Variants in SNRNP40 observed in about 807,000 individuals in gnomAD.
SNRNP40 encodes U5 small nuclear ribonucleoprotein 40 kDa protein.
Under a neutral mutation model 45.8 loss-of-function variants are expected in SNRNP40, and 21 were observed. That is an observed-to-expected ratio of 0.46 (90% confidence interval 0.32 to 0.66). The LOEUF (loss-of-function observed/expected upper bound fraction) is 0.66. SNRNP40 is among the 30% of genes least tolerant of loss of function. The pLI, the probability that SNRNP40 is intolerant of heterozygous loss-of-function variation, is 0.03. For missense variants in SNRNP40, 344 were observed against 439.1 expected, an observed-to-expected ratio of 0.78 and a Z score of 1.94; for synonymous variants, 142 against 163.8, an observed-to-expected ratio of 0.87 and a Z score of 1.01.
intron 8 of SNRNP40, among the ~76,000 whole-genome samples, chr1:31,264,192 T>G (rs886346215): frequency 6.6e-6 from 1 of 152,140 alleles, no homozygotes; most frequent in South Asian, 2.1e-4. Context: ...TGGTCAAAAA[T>G]GCAAATAAAC....
chr1:31,280,514 G>GAA (rs1425781635), intron 5 of SNRNP40, among the ~76,000 whole-genome samples: 3 of 151,738 alleles, frequency 2.0e-5, no homozygotes, highest in Non-Finnish European at 4.4e-5. Context: ...ATGAGGGATG[G>GAA]AAATACAGTA....
chr1:31,292,610 T>C (rs2148392025), intron 2 of SNRNP40, among the ~76,000 whole-genome samples: 1 of 152,322 alleles, frequency 6.6e-6, no homozygotes, highest in Admixed American at 6.5e-5. Context: ...CATCTCATAA[T>C]CTGGCAAGAA....
intron 8 of SNRNP40, among the ~76,000 whole-genome samples, chr1:31,264,561 A>C (rs1218758294): frequency 1.3e-5 from 2 of 152,226 alleles, no homozygotes; most frequent in African/African-American, 4.8e-5. Flanking sequence ...TATTGATCTC[A>C]TAACTTTGTT....
chr1:31,260,223 T>C (rs1366191593), intron 9 of SNRNP40, 102 bp from the exon 10 acceptor site: 16 of 745,120 alleles, frequency 2.1e-5, no homozygotes, highest in South Asian at 1.2e-4. Flanking sequence ...AAAAGAGCAA[T>C]TGGACTTAGC....
chr1:31,295,474 A>G (rs1365783559), intron 1 of SNRNP40, among the ~76,000 whole-genome samples: 1 of 152,270 alleles, frequency 6.6e-6, no homozygotes, highest in Non-Finnish European at 1.5e-5. Flanking sequence ...CAGGAGCTGA[A>G]TAGTAAACCA....
At position 31,259,841 on chromosome 1, in the gene SNRNP40, A is replaced by AG. The variant is rs150180054; in HGVS notation, c.*230_*231insC. On this transcript the variant is annotated 3_prime_UTR_variant, in exon 10 of 10. Coordinates refer to ENST00000263694, the MANE Select transcript of SNRNP40 (RefSeq NM_004814.3). ...GGAAAAAAGAAAAAGAAAAAAAAAA[A>AG]CAGTCCCTGAAATCTGGCAGGTGGT... 1,786 of 681,864 alleles carry AG rather than the reference A, an allele frequency of 2.6e-3. 20 individuals carry two copies. The African/African-American group carries it at 0.028, about 11-fold the overall frequency. 42.2% of individuals were successfully genotyped at this position (681,864 alleles called of 1,614,324 possible).
intron 5 of SNRNP40, among the ~76,000 whole-genome samples, chr1:31,281,037 A>G (rs7555364): frequency 0.14 from 21,382 of 152,188 alleles, 1,649 homozygotes; most frequent in African/African-American, 0.17. Context: ...ACAGAATCAC[A>G]AACTGATTCA....
At chr1:31,269,788 C>T (rs1276740627) in intron 6 of SNRNP40, 1 of 155,794 alleles carries the variant, frequency 6.4e-6, no homozygotes, top group Non-Finnish European at 1.4e-5. Context: ...AACATTGATT[C>T]TATCTCTGTT....
intron 3 of SNRNP40, among the ~76,000 whole-genome samples, chr1:31,289,866 A>T (rs1388553098): frequency 6.6e-6 from 1 of 151,898 alleles, no homozygotes; most frequent in African/African-American, 2.4e-5. Context: ...CTCTGAGGAC[A>T]ATTTCTTTCT....
chr1:31,286,019 C>CT (rs1306617820), intron 4 of SNRNP40, among the ~76,000 whole-genome samples: 1 of 150,722 alleles, frequency 6.6e-6, no homozygotes, highest in Non-Finnish European at 1.5e-5. Flanking sequence ...TTATCTTGTA[C>CT]TTTCACTGCC....
chr1:31,266,234 C>A (rs903163625), intron 8 of SNRNP40, among the ~76,000 whole-genome samples: 2 of 152,254 alleles, frequency 1.3e-5, no homozygotes, highest in Admixed American at 1.3e-4. Context: ...AGCGTTAGGG[C>A]CCCAAATAGA....
At chr1:31,265,448 G>C (rs922306627) in intron 8 of SNRNP40, among the ~76,000 whole-genome samples, 1 of 152,018 alleles carries the variant, frequency 6.6e-6, no homozygotes, top group African/African-American at 2.4e-5. Flanking sequence ...AAGGAACAGT[G>C]GAGAGGAAAA....
chr1:31,289,712 T>C (rs376563117), intron 3 of SNRNP40, among the ~76,000 whole-genome samples: 15 of 152,326 alleles, frequency 9.8e-5, no homozygotes, highest in Middle Eastern at 6.8e-3. Flanking sequence ...TCTTTTGTGA[T>C]AGCTAACATT....
chr1:31,281,553 A>G (rs1646016710), intron 4 of SNRNP40, 57 bp from the exon 5 acceptor site: 1 of 1,526,632 alleles, frequency 6.6e-7, no homozygotes, highest in Admixed American at 1.8e-5. Context: ...GCAATTGCAC[A>G]GTACAAATAT....
At chr1:31,289,139 G>A in intron 4 of SNRNP40, 115 bp downstream of exon 4, 2 of 875,658 alleles carry the variant, frequency 2.3e-6, no homozygotes, top group Non-Finnish European at 3.5e-6. Flanking sequence ...GTGTGTTATG[G>A]GAGATGACTG....
intron 7 of SNRNP40, 79 bp downstream of exon 7, chr1:31,269,079 G>T: frequency 7.7e-7 from 1 of 1,298,478 alleles, no homozygotes; most frequent in Non-Finnish European, 1.0e-6. Context: ...CAGAGCTACT[G>T]CTCTCTATCC....
chr1:31,285,242 C>CTTTTTTTT (rs10694913), intron 4 of SNRNP40, among the ~76,000 whole-genome samples: 1 of 139,352 alleles, frequency 7.2e-6, no homozygotes, highest in Non-Finnish European at 1.5e-5. Flanking sequence ...GCCTTATCAC[C>CTTTTTTTT]TTTTTTTTTT....
chr1:31,265,474 T>A (rs539252686), intron 8 of SNRNP40, among the ~76,000 whole-genome samples: 156 of 152,056 alleles, frequency 1.0e-3, no homozygotes, highest in African/African-American at 3.6e-3. Flanking sequence ...AAAAAGGACA[T>A]TGCAATTCAG....
At chr1:31,279,321 C>A (rs778541346) in intron 5 of SNRNP40, among the ~76,000 whole-genome samples, 2 of 152,170 alleles carry the variant, frequency 1.3e-5, no homozygotes, top group Non-Finnish European at 2.9e-5. Context: ...TCTTTAAGAT[C>A]CGTGAGGAGG....
Sources: allele counts gnomAD v4.1 joint callset (sites outside exome capture counted in the v4.1 genomes callset), GRCh38; gene constraint gnomAD v4.1.1; transcripts MANE v1.5; gene names NCBI Gene and HGNC (gene_info 2026-07-23, HGNC 2026-07-21).